Variants in B3GNT3 observed in about 807,000 individuals in gnomAD.
B3GNT3 encodes the protein UDP-GlcNAc:betaGal beta-1,3-N-acetylglucosaminyltransferase 3.
In B3GNT3, 7 loss-of-function variants were observed where a neutral mutation model predicts 11.6. The ratio of observed to expected loss-of-function variants is 0.60; its 90% confidence interval spans 0.34 to 1.13. The LOEUF (loss-of-function observed/expected upper bound fraction) is 1.13. B3GNT3 is among the 50% of genes most tolerant of loss of function. The probability of loss-of-function intolerance (pLI) is 0.03; values close to 1 mark genes in which losing one functional copy is unlikely to be tolerated. For missense variants in B3GNT3, 400 were observed against 507.4 expected (o/e 0.79, Z 2.03); for synonymous variants, 201 against 222.1 (o/e 0.90, Z 0.85).
chr19:17,799,053 C>T (rs1280488024), intron 1 of B3GNT3, among the ~76,000 whole-genome samples: 2 of 152,170 alleles, frequency 1.3e-5, no homozygotes, highest in Non-Finnish European at 2.9e-5. Context: ...GGAGCTACCA[C>T]TTGACCCTCT....
chr19:17,807,825 C>T lies in B3GNT3; in HGVS notation c.18C>T (p.His6=), dbSNP rs1374235581. 1.2e-6 allele frequency: 2 copies of T among 1,611,214 alleles called. No homozygotes were observed. Among genetic ancestry groups the T allele is most frequent in the South Asian group, 2.2e-5 (2 of 90,970 alleles). Residue 6 remains histidine, a synonymous_variant, in exon 2 of 3, where the codon CAC becomes CAT. Coordinates refer to ENST00000318683, the MANE Select transcript of B3GNT3 (RefSeq NM_014256.4). ...TGGCCAGGATGAAGTATCTCCGGCA[C>T]CGGCGGCCCAATGCCACCCTCATTC... MKYLR[H]RRPNATLILA... is the part of the protein sequence containing the mutation.
intron 2 of B3GNT3, among the ~76,000 whole-genome samples, chr19:17,809,085 C>T (rs1285135005): frequency 1.3e-5 from 2 of 152,034 alleles, no homozygotes; most frequent in Non-Finnish European, 2.9e-5. Flanking sequence ...CTTCCCGCCT[C>T]GGCCTCCCAA....
Position 17,808,202 on chromosome 19 carries a change from G to C in B3GNT3, c.395G>C (p.Arg132Pro). 1 of 1,611,556 alleles carries C rather than the reference G, an allele frequency of 6.2e-7. No homozygotes were observed. Among genetic ancestry groups the C allele is most frequent in the Non-Finnish European group, 8.5e-7 (1 of 1,178,304 alleles). Residue 132 changes from arginine to proline, a missense_variant, in exon 2 of 3, where the codon CGC becomes CCC. By Grantham distance (103) the Arg-to-Pro change is moderately radical. Transcript: ENST00000318683. Reference sequence around the variant, plus strand: ...GAGCTGCTGCGGCGCACGTGGGGCCGCGAGCGCAAGGTACGGGGTTTGCAG... The same window carrying C: ...GAGCTGCTGCGGCGCACGTGGGGCCCCGAGCGCAAGGTACGGGGTTTGCAG... ...RRELLRRTWGRERKVRGLQLR... is the reference protein window; with the variant it reads ...RRELLRRTWGPERKVRGLQLR...
At chr19:17,802,088 CAAA>C (rs75792216) in intron 1 of B3GNT3, among the ~76,000 whole-genome samples, 2 of 124,324 alleles carry the variant, frequency 1.6e-5, no homozygotes, top group Non-Finnish European at 1.7e-5. Flanking sequence ...ATTCTGTCTC[CAAA>C]AAAAAAAAAA....
At chr19:17,802,526 G>A (rs758297528) in intron 1 of B3GNT3, among the ~76,000 whole-genome samples, 30 of 152,130 alleles carry the variant, frequency 2.0e-4, no homozygotes, top group Non-Finnish European at 3.5e-4. Context: ...GACATCAGCA[G>A]TGCTGGGGCT....
At chr19:17,801,842 CTT>C (rs1344935612) in intron 1 of B3GNT3, among the ~76,000 whole-genome samples, 1 of 152,104 alleles carries the variant, frequency 6.6e-6, no homozygotes, top group Non-Finnish European at 1.5e-5. Context: ...AATCCCAACA[CTT>C]TGGGAGGCTG....
chr19:17,802,524 C>T (rs2094167567), intron 1 of B3GNT3, among the ~76,000 whole-genome samples: 1 of 151,944 alleles, frequency 6.6e-6, no homozygotes, highest in Non-Finnish European at 1.5e-5. Flanking sequence ...CAGACATCAG[C>T]AGTGCTGGGG....
intron 1 of B3GNT3, among the ~76,000 whole-genome samples, chr19:17,807,485 G>C (rs1046027869): frequency 1.3e-5 from 2 of 149,160 alleles, no homozygotes; most frequent in African/African-American, 4.9e-5. Context: ...GAACAAGAGA[G>C]AGAGAGAGAG....
chr19:17,796,344 T>C (rs771043349), intron 1 of B3GNT3, among the ~76,000 whole-genome samples: 19 of 152,184 alleles, frequency 1.2e-4, no homozygotes, highest in Non-Finnish European at 1.3e-4. Flanking sequence ...CCTCCTGCCT[T>C]GGCATCTGAA....
At chr19:17,807,727 G>A in intron 1 of B3GNT3, 31 bp from the exon 2 acceptor site, 1 of 1,351,492 alleles carries the variant, frequency 7.4e-7, no homozygotes, top group African/African-American at 1.5e-5. Context: ...TTTGCTCATG[G>A]CGAGTGTTCA....
chr19:17,795,431 C>G (rs150194133), intron 1 of B3GNT3, among the ~76,000 whole-genome samples: 53 of 152,346 alleles, frequency 3.5e-4, no homozygotes, highest in Admixed American at 9.1e-4. Context: ...GGGGAGGAAG[C>G]CTCCCCCACA....
chr19:17,808,136 T>G lies in B3GNT3; in HGVS notation c.329T>G (p.Leu110Arg). 6.2e-7 allele frequency: 1 copy of G among 1,613,748 alleles called. No homozygotes were observed. The highest frequency in any genetic ancestry group is 8.5e-7 in the Non-Finnish European group (1 of 1,179,868). The change falls in exon 2 of 3, where the codon CTG (leucine) becomes CGG (arginine). Residue 110 changes from leucine to arginine, a missense_variant. Physicochemically the swap from Leu to Arg is moderately radical, Grantham distance 102. Transcript: ENST00000318683. The part of the protein sequence containing the change: ...PSKCAQPVFL[L>R]LVIKSSPSNY... Reference sequence around the variant, plus strand: ...AAGTGCGCGCAGCCGGTCTTCCTGCTGCTGGTGATCAAGTCCTCCCCTAGC... The same window carrying G: ...AAGTGCGCGCAGCCGGTCTTCCTGCGGCTGGTGATCAAGTCCTCCCCTAGC...
intron 1 of B3GNT3, among the ~76,000 whole-genome samples, chr19:17,807,316 C>A (rs143133484): frequency 6.6e-6 from 1 of 151,524 alleles, no homozygotes; most frequent in Non-Finnish European, 1.5e-5. Context: ...ATGGTAAAAC[C>A]CCGTCTCTAC....
At chr19:17,804,517 G>C (rs1243193362) in intron 1 of B3GNT3, among the ~76,000 whole-genome samples, 2 of 129,860 alleles carry the variant, frequency 1.5e-5, no homozygotes, top group Admixed American at 1.7e-4. Context: ...TTACAGGCGT[G>C]AGCCACCGTG....
At chr19:17,801,948 C>A (rs557058489) in intron 1 of B3GNT3, among the ~76,000 whole-genome samples, 6 of 152,178 alleles carry the variant, frequency 3.9e-5, no homozygotes, top group East Asian at 3.9e-4. Flanking sequence ...AGTAGCCAGG[C>A]GTGGTGGCAC....
Position 17,808,048 on chromosome 19 carries a change from C to G in B3GNT3, c.241C>G (p.Gln81Glu). ...PDFATQPQHV[Q>E]NFLLYRHCRH... ...CTTCGCCACGCAGCCGCAGCACGTT[C>G]AGAACTTCCTCCTGTACAGACACTG... Residue 81 changes from glutamine (Q) to glutamate (E), a missense_variant, in exon 2 of 3, where the codon CAG (glutamine) becomes GAG (glutamate). Gln to Glu is a conservative substitution (Grantham distance 29). Transcript: ENST00000318683. 1 of 1,594,316 alleles carries G rather than the reference C, an allele frequency of 6.3e-7. No homozygotes were observed. The highest frequency in any genetic ancestry group is 8.6e-7 in the Non-Finnish European group (1 of 1,169,130).
chr19:17,810,386 G>A (rs1320662375), intron 2 of B3GNT3, among the ~76,000 whole-genome samples: 2 of 151,948 alleles, frequency 1.3e-5, no homozygotes, highest in African/African-American at 4.8e-5. Flanking sequence ...CTCCAGCCTG[G>A]GTGACAGAGT....
chr19:17,801,694 G>C (rs1052607523), intron 1 of B3GNT3, among the ~76,000 whole-genome samples: 1 of 150,064 alleles, frequency 6.7e-6, no homozygotes, highest in African/African-American at 2.5e-5. Flanking sequence ...ATGTTGCCCA[G>C]GCTGGTCTTG....
intron 1 of B3GNT3, among the ~76,000 whole-genome samples, chr19:17,803,919 T>C: frequency 6.6e-6 from 1 of 152,046 alleles, no homozygotes. Flanking sequence ...CCCAGCGCTT[T>C]GGGAAGCCAA....
Sources: allele counts gnomAD v4.1 joint callset (sites outside exome capture counted in the v4.1 genomes callset), GRCh38; gene constraint gnomAD v4.1.1; transcripts MANE v1.5; gene names NCBI Gene and HGNC (gene_info 2026-07-23, HGNC 2026-07-21).